The following FRMD4A variants were observed in gnomAD, a reference collection of about 807,000 sequenced individuals.
FRMD4A encodes FERM domain-containing protein 4A.
FRMD4A carries 29 observed loss-of-function variants against 129.1 expected under a neutral mutation model. That is an observed-to-expected ratio of 0.22 (90% CI 0.17 to 0.31). The LOEUF (loss-of-function observed/expected upper bound fraction) is 0.31. FRMD4A is among the 10% of genes least tolerant of loss of function. The pLI is 1.00. For missense variants in FRMD4A, 1,272 were observed against 1,375.8 expected, an observed-to-expected ratio of 0.92 and a Z score of 1.19; for synonymous variants, 634 against 571.6, an observed-to-expected ratio of 1.11 and a Z score of -1.56.
intron 12 of FRMD4A, among the ~76,000 whole-genome samples, chr10:13,735,103 AC>A (rs1248857537): frequency 6.6e-6 from 1 of 151,966 alleles, no homozygotes; most frequent in Admixed American, 6.6e-5. Context: ...GAACTCCTGA[AC>A]TCAAGTGATC....
At chr10:13,856,982 A>T (rs763066592) in intron 3 of FRMD4A, among the ~76,000 whole-genome samples, 4 of 152,144 alleles carry the variant, frequency 2.6e-5, no homozygotes, top group Non-Finnish European at 4.4e-5. Context: ...GAAGCTTCAA[A>T]TGTTTCTCAG....
chr10:13,959,895 C>T (rs965704780), intron 2 of FRMD4A, among the ~76,000 whole-genome samples: 5 of 152,144 alleles, frequency 3.3e-5, no homozygotes, highest in African/African-American at 9.7e-5. Context: ...TCTATTTGGC[C>T]AAGAGAGAAC....
At chr10:14,122,680 G>A (rs943618281) in intron 2 of FRMD4A, among the ~76,000 whole-genome samples, 1 of 152,010 alleles carries the variant, frequency 6.6e-6, no homozygotes, top group Non-Finnish European at 1.5e-5. Context: ...CATGACCAAG[G>A]TGGATGGTGC....
At chr10:13,998,026 T>A (rs1473901550) in intron 2 of FRMD4A, among the ~76,000 whole-genome samples, 1 of 152,218 alleles carries the variant, frequency 6.6e-6, no homozygotes, top group East Asian at 1.9e-4. Context: ...AAATCCATCA[T>A]GCCCTTCTGG....
At chr10:13,937,940 A>G (rs1381134544) in intron 2 of FRMD4A, among the ~76,000 whole-genome samples, 1 of 152,246 alleles carries the variant, frequency 6.6e-6, no homozygotes. Flanking sequence ...GAAGGAAAAT[A>G]AACTTCTTGT....
chr10:14,271,027 A>G (rs1209778534), intron 2 of FRMD4A, among the ~76,000 whole-genome samples: 3 of 152,312 alleles, frequency 2.0e-5, no homozygotes, highest in Non-Finnish European at 4.4e-5. Context: ...GCTACCAATC[A>G]TGGTAGAAGG....
At chr10:14,212,042 C>A (rs1842946647) in intron 2 of FRMD4A, among the ~76,000 whole-genome samples, 1 of 152,142 alleles carries the variant, frequency 6.6e-6, no homozygotes, top group South Asian at 2.1e-4. Flanking sequence ...CCCCTGTGAT[C>A]CTTCCAACAG....
chr10:13,840,204 T>C (rs1480911241), intron 3 of FRMD4A, among the ~76,000 whole-genome samples: 2 of 152,158 alleles, frequency 1.3e-5, no homozygotes, highest in Admixed American at 6.5e-5. Context: ...TAATTCAGGT[T>C]ACATGAGGTC....
At chr10:13,786,598 C>G (rs1425466147) in intron 5 of FRMD4A, among the ~76,000 whole-genome samples, 1 of 152,102 alleles carries the variant, frequency 6.6e-6, no homozygotes, top group Non-Finnish European at 1.5e-5. Flanking sequence ...AAAAGCGAAA[C>G]TCCGTCTCAA....
At chr10:13,800,408 G>A (rs1174868226) in intron 4 of FRMD4A, among the ~76,000 whole-genome samples, 2 of 152,168 alleles carry the variant, frequency 1.3e-5, no homozygotes, top group Non-Finnish European at 2.9e-5. Flanking sequence ...ATGATAAACA[G>A]TCTGATGGGA....
intron 2 of FRMD4A, among the ~76,000 whole-genome samples, chr10:14,168,643 C>G (rs1841316050): frequency 6.6e-6 from 1 of 152,208 alleles, no homozygotes; most frequent in African/African-American, 2.4e-5. Flanking sequence ...ATTTGCACTT[C>G]TTCACATATT....
At chr10:13,951,964 G>A (rs2095374784) in intron 2 of FRMD4A, among the ~76,000 whole-genome samples, 1 of 149,052 alleles carries the variant, frequency 6.7e-6, no homozygotes, top group Non-Finnish European at 1.5e-5. Flanking sequence ...AGTGGTTGGG[G>A]CAAATATCTG....
chr10:13,766,651 A>C (rs2092297200), intron 6 of FRMD4A, among the ~76,000 whole-genome samples: 2 of 152,114 alleles, frequency 1.3e-5, no homozygotes, highest in Non-Finnish European at 2.9e-5. Context: ...CCCCAATGTC[A>C]CTTGTTCATG....
chr10:14,255,762 C>T (rs909651986), intron 2 of FRMD4A, among the ~76,000 whole-genome samples: 2 of 152,098 alleles, frequency 1.3e-5, no homozygotes, highest in African/African-American at 4.8e-5. Context: ...TCCCAGCACA[C>T]TGCGAGGCCG....
intron 2 of FRMD4A, among the ~76,000 whole-genome samples, chr10:13,893,395 C>T (rs754508334): frequency 6.6e-6 from 1 of 152,112 alleles, no homozygotes; most frequent in Admixed American, 6.5e-5. Flanking sequence ...CAATTGGAGC[C>T]CATCTCCTTG....
At chr10:14,077,496 T>G (rs1835680944) in intron 2 of FRMD4A, among the ~76,000 whole-genome samples, 2 of 152,222 alleles carry the variant, frequency 1.3e-5, no homozygotes, top group Non-Finnish European at 2.9e-5. Flanking sequence ...GTGCAAAGTC[T>G]GAAACTGTGC....
intron 2 of FRMD4A, chr10:13,971,660 T>C (rs1029966084): frequency 6.1e-6 from 8 of 1,302,954 alleles, no homozygotes; most frequent in Non-Finnish European, 7.1e-6. Context: ...TCCCACCTGA[T>C]AGACGGCCCT....
At chr10:14,328,424 C>T (rs1325056453) in intron 2 of FRMD4A, among the ~76,000 whole-genome samples, 1 of 149,026 alleles carries the variant, frequency 6.7e-6, no homozygotes, top group Non-Finnish European at 1.5e-5. Context: ...AATTTGGATA[C>T]CAAGGATTCA....
At chr10:13,903,433 T>C (rs72772752) in intron 2 of FRMD4A, among the ~76,000 whole-genome samples, 5,746 of 152,228 alleles carry the variant, frequency 0.038, 145 homozygotes, top group Non-Finnish European at 0.056. Flanking sequence ...AAACATTCAA[T>C]AGATATTTGT....
Sources: gnomAD v4.1 joint callset for allele counts (sites outside exome capture counted in the v4.1 genomes callset) on GRCh38, gnomAD v4.1.1 for gene constraint, MANE v1.5 for transcripts, NCBI Gene and HGNC (gene_info 2026-07-23, HGNC 2026-07-21) for gene names.